Variants in TSGA10 observed in about 807,000 individuals in gnomAD.
The protein encoded by TSGA10 is testis specific 10.
Under a neutral mutation model 96.6 loss-of-function variants are expected in TSGA10, and 43 were observed. That is an observed-to-expected ratio of 0.44 (90% CI 0.35 to 0.57). The LOEUF (loss-of-function observed/expected upper bound fraction) is 0.57. Ranked by LOEUF, TSGA10 falls within the 20% of genes least tolerant of loss-of-function variation. The pLI is 0.01. For synonymous variants in TSGA10, 229 were observed against 269.9 expected (o/e 0.85, Z 1.48); for missense variants, 703 against 834.4 (o/e 0.84, Z 1.94).
intron 16 of TSGA10, among the ~76,000 whole-genome samples, chr2:99,051,207 T>G (rs150160207): frequency 6.6e-6 from 1 of 152,184 alleles, no homozygotes; most frequent in Non-Finnish European, 1.5e-5. Context: ...ACTGAAAAAC[T>G]AAGTAAATAA....
chr2:99,147,877 T>A (rs188974025), intron 1 of TSGA10, among the ~76,000 whole-genome samples: 111 of 152,312 alleles, frequency 7.3e-4, no homozygotes, highest in African/African-American at 2.4e-3. Flanking sequence ...CAGTATGTAT[T>A]TCCTAAGAAC....
intron 2 of TSGA10, chr2:99,125,322 C>T (rs1462891339): frequency 1.3e-5 from 2 of 152,104 alleles, no homozygotes; most frequent in Non-Finnish European, 1.5e-5. Flanking sequence ...TATAATAATG[C>T]TGCTATAAAC....
intron 5 of TSGA10, 85 bp downstream of exon 5, chr2:99,110,765 G>T: frequency 3.6e-6 from 1 of 277,330 alleles, no homozygotes; most frequent in Non-Finnish European, 5.5e-6. Context: ...CACAAAACGT[G>T]TGAGAGCCAA....
chr2:99,037,699 A>T (rs543787131), intron 16 of TSGA10, among the ~76,000 whole-genome samples: 1 of 152,056 alleles, frequency 6.6e-6, no homozygotes, highest in Non-Finnish European at 1.5e-5. Context: ...AAATACAAAA[A>T]ATTAGCTGGG....
chr2:99,145,579 C>G (rs2093623460), intron 1 of TSGA10, among the ~76,000 whole-genome samples: 1 of 150,752 alleles, frequency 6.6e-6, no homozygotes, highest in African/African-American at 2.4e-5. Context: ...AAAAAAAGAC[C>G]CTTGTGATTA....
chr2:99,022,345 A>C (rs958543891), intron 17 of TSGA10, among the ~76,000 whole-genome samples: 10 of 151,070 alleles, frequency 6.6e-5, no homozygotes, highest in Non-Finnish European at 1.0e-4. Flanking sequence ...AAAAAAAAAA[A>C]AAAAAAACAC....
intron 20 of TSGA10, among the ~76,000 whole-genome samples, chr2:99,012,710 T>C (rs116476632): frequency 0.023 from 3,466 of 152,198 alleles, 137 homozygotes; most frequent in African/African-American, 0.079. Context: ...GGAAATGAGA[T>C]GCACAGCAAC....
At chr2:99,008,694 G>A (rs2078714607) in intron 20 of TSGA10, among the ~76,000 whole-genome samples, 1 of 152,186 alleles carries the variant, frequency 6.6e-6, no homozygotes, top group Admixed American at 6.5e-5. Context: ...TGAAGATACT[G>A]CAACATGAGA....
intron 16 of TSGA10, among the ~76,000 whole-genome samples, chr2:99,052,297 A>G (rs1157837721): frequency 6.6e-6 from 1 of 152,124 alleles, no homozygotes; most frequent in Non-Finnish European, 1.5e-5. Context: ...AGACACAACA[A>G]GAAATACAAA....
chr2:99,149,742 G>A (rs1353293939), intron 1 of TSGA10, among the ~76,000 whole-genome samples: 3 of 142,432 alleles, frequency 2.1e-5, no homozygotes, highest in Admixed American at 7.2e-5. Context: ...GCGCTCGGCC[G>A]ATCATCTCTT....
intron 3 of TSGA10, among the ~76,000 whole-genome samples, chr2:99,118,327 C>T (rs1268249614): frequency 2.7e-5 from 4 of 150,850 alleles, no homozygotes; most frequent in East Asian, 3.9e-4. Context: ...GGCGAGTGCC[C>T]GTAGTCCCAG....
intron 11 of TSGA10, among the ~76,000 whole-genome samples, chr2:99,079,401 T>C (rs1324085304): frequency 1.3e-5 from 2 of 152,154 alleles, no homozygotes; most frequent in Non-Finnish European, 2.9e-5. Flanking sequence ...GCCTGAATGA[T>C]TGGTACAGAA....
chr2:99,065,283 C>A (rs1248560776), intron 15 of TSGA10, among the ~76,000 whole-genome samples, 159 bp from the exon 16 acceptor site: 1 of 152,182 alleles, frequency 6.6e-6, no homozygotes, highest in Non-Finnish European at 1.5e-5. Flanking sequence ...AACAGGTCAT[C>A]CTGTAATTAA....
At position 99,074,000 on chromosome 2, in the gene TSGA10, CTTTT is replaced by C. The variant is rs1167854716; in HGVS notation, c.883-931_883-928del. On this transcript the variant is annotated intron_variant, in intron 12 of 20. Transcript: ENST00000393483. ...AACCAATTCTGTTCCTGTTTCTTTTCTTTTTTTTTTTTTTTTTTTTTTTTTTTTT... is the reference window on the plus strand; with the variant it reads ...AACCAATTCTGTTCCTGTTTCTTTTCTTTTTTTTTTTTTTTTTTTTTTTTT... 3.4e-4 allele frequency among the ~76,000 whole-genome samples: 18 copies of C among 52,632 alleles called. No individual in the cohort carries two copies. The South Asian group carries it at 8.4e-3, about 25-fold the overall frequency. 34.5% of individuals were successfully genotyped at this position (52,632 alleles called of 152,430 possible).
chr2:99,081,598 A>G (rs982954911), intron 10 of TSGA10, among the ~76,000 whole-genome samples: 1 of 152,224 alleles, frequency 6.6e-6, no homozygotes, highest in Non-Finnish European at 1.5e-5. Flanking sequence ...CCACTCCAAC[A>G]TAAGCTACTA....
intron 16 of TSGA10, among the ~76,000 whole-genome samples, chr2:99,053,583 A>G (rs1161862392): frequency 6.6e-6 from 1 of 152,124 alleles, no homozygotes; most frequent in African/African-American, 2.4e-5. Flanking sequence ...AAACATAAAA[A>G]AGCTCTAAAG....
intron 11 of TSGA10, among the ~76,000 whole-genome samples, chr2:99,080,774 G>A (rs953670184): frequency 6.6e-6 from 1 of 152,020 alleles, no homozygotes; most frequent in Non-Finnish European, 1.5e-5. Flanking sequence ...ATTAAGTTAG[G>A]ACCATATTTT....
chr2:99,120,319 G>A (rs2092505310), intron 2 of TSGA10, among the ~76,000 whole-genome samples: 1 of 152,128 alleles, frequency 6.6e-6, no homozygotes, highest in South Asian at 2.1e-4. Flanking sequence ...TTTAGAAGAG[G>A]CAGTCTGGAG....
At chr2:99,081,445 C>T in intron 10 of TSGA10, 48 bp from the exon 11 acceptor site, 5 of 1,081,272 alleles carry the variant, frequency 4.6e-6, no homozygotes, top group Non-Finnish European at 6.7e-6. Flanking sequence ...TTTGTTTTGT[C>T]ATCTTGTAGT....
Sources: gnomAD v4.1 joint callset for allele counts (sites outside exome capture counted in the v4.1 genomes callset) on GRCh38, gnomAD v4.1.1 for gene constraint, MANE v1.5 for transcripts, NCBI Gene and HGNC (gene_info 2026-07-23, HGNC 2026-07-21) for gene names.